FRAS1: variants seen among roughly 807,000 people sequenced by gnomAD.
FRAS1 encodes the protein extracellular matrix organizing protein FRAS1.
In FRAS1, 290 loss-of-function variants were observed where a neutral mutation model predicts 435.2. The observed-to-expected ratio is 0.67, with a 90% confidence interval of 0.61 to 0.73. The LOEUF (loss-of-function observed/expected upper bound fraction) is 0.73, where lower values mean the gene tolerates loss of function less well. Ranked by LOEUF, FRAS1 falls within the 30% of genes least tolerant of loss-of-function variation. FRAS1 has a pLI of 0.00. For synonymous variants in FRAS1, 1,800 were observed against 1,851.0 expected (o/e 0.97, Z 0.71); for missense variants, 4,860 against 5,001.5 (o/e 0.97, Z 0.85).
chr4:78,506,218 G>T (rs1720835607), intron 61 of FRAS1, among the ~76,000 whole-genome samples: 1 of 152,226 alleles, frequency 6.6e-6, no homozygotes. Context: ...GGACCCACTT[G>T]AGGAGGCAGT....
chr4:78,275,571 C>T (rs920659018), intron 9 of FRAS1, among the ~76,000 whole-genome samples: 15 of 152,038 alleles, frequency 9.9e-5, no homozygotes, highest in Admixed American at 8.5e-4. Context: ...CCTTAACTTA[C>T]GAAGCTTAGT....
At chr4:78,501,845 A>G (rs1056471539) in intron 61 of FRAS1, among the ~76,000 whole-genome samples, 5 of 152,184 alleles carry the variant, frequency 3.3e-5, no homozygotes, top group African/African-American at 1.2e-4. Context: ...TAGGGTTTCT[A>G]TAGTTTTAGG....
At chr4:78,332,809 T>G (rs1729999592) in intron 18 of FRAS1, among the ~76,000 whole-genome samples, 2 of 152,244 alleles carry the variant, frequency 1.3e-5, no homozygotes, top group South Asian at 4.1e-4. Flanking sequence ...CATCTGTGTA[T>G]GCCCAGTCTC....
chr4:78,440,525 A>T (rs1455005601), intron 40 of FRAS1, among the ~76,000 whole-genome samples: 1 of 152,198 alleles, frequency 6.6e-6, no homozygotes, highest in Admixed American at 6.5e-5. Context: ...AGCAGGCTAG[A>T]GAAAAACACC....
intron 20 of FRAS1, among the ~76,000 whole-genome samples, chr4:78,348,058 T>G (rs1730675976): frequency 2.1e-5 from 1 of 47,872 alleles, no homozygotes; most frequent in Non-Finnish European, 4.0e-5. Context: ...AGACGGGTGA[T>G]TTCTGCATTT....
chr4:78,249,850 T>G (rs969531655), intron 4 of FRAS1, among the ~76,000 whole-genome samples: 2 of 152,172 alleles, frequency 1.3e-5, no homozygotes, highest in African/African-American at 4.8e-5. Context: ...AAAGGTAGTG[T>G]GACTGCAATG....
At chr4:78,341,862 A>C (rs367340) in intron 20 of FRAS1, among the ~76,000 whole-genome samples, 26,831 of 151,880 alleles carry the variant, frequency 0.18, 3,218 homozygotes, top group African/African-American at 0.35. Context: ...AGGAGGTTAA[A>C]CGTATAAATT....
chr4:78,101,227 A>G (rs1332704646), intron 2 of FRAS1, among the ~76,000 whole-genome samples: 1 of 132,756 alleles, frequency 7.5e-6, no homozygotes, highest in Non-Finnish European at 1.5e-5. Context: ...AGGAAAGGCT[A>G]AAAAAAAAAT....
rs1253538069 is a variant in FRAS1 at position 78,293,510 on chromosome 4, A to AC, written c.1534+6975dup. Among the ~76,000 whole-genome samples, 9 of 151,918 alleles carry AC rather than the reference A, an allele frequency of 5.9e-5. No homozygotes were observed. The South Asian group carries it at 1.9e-3, about 32-fold the overall frequency. The stretch of plus-strand genomic sequence containing the variant: ...TAATTACAGACTCTCTATTTTTCTC[A>AC]CCCCTCTTTTTCTTCTCTTTTCCTC... On this transcript the variant is annotated intron_variant, in intron 14 of 73. Transcript: ENST00000512123.
intron 47 of FRAS1, among the ~76,000 whole-genome samples, chr4:78,462,777 CAT>C: frequency 6.6e-6 from 1 of 152,312 alleles, no homozygotes; most frequent in Non-Finnish European, 1.5e-5. Context: ...AGCACAGAAA[CAT>C]AAAATGCCTC....
Position 78,371,083 on chromosome 4 carries a change from G to GGTTTTTTTTTTTTTTTTTTTTTTTT in FRAS1, c.2869+1099_2869+1100insGTTTTTTTTTTTTTTTTTTTTTTTT, listed in dbSNP as rs1456015210. Among the ~76,000 whole-genome samples, 3 of 127,400 alleles carry GGTTTTTTTTTTTTTTTTTTTTTTTT rather than the reference G, an allele frequency of 2.4e-5. 1 individual carries two copies. The highest frequency in any genetic ancestry group is 9.5e-5 in the African/African-American group (3 of 31,434). The allele number at this position is 127,400 out of a possible 152,430, so 83.6% of individuals were successfully genotyped here. ...CTCGAGACCACAGAATTTTTTTTCT[G>GGTTTTTTTTTTTTTTTTTTTTTTTT]TTTTTTTGTTTTTTTTTTTTTTTGC... On this transcript the variant is annotated intron_variant, in intron 23 of 73. Transcript: ENST00000512123.
chr4:78,370,106 T>A, intron 23 of FRAS1, 122 bp downstream of exon 23: 1 of 847,070 alleles, frequency 1.2e-6, no homozygotes, highest in Non-Finnish European at 1.8e-6. Flanking sequence ...TCTCTGATGA[T>A]AGCAACAATT....
intron 28 of FRAS1, among the ~76,000 whole-genome samples, chr4:78,384,648 C>G (rs1054275854): frequency 1.4e-4 from 22 of 151,816 alleles, no homozygotes; most frequent in Admixed American, 1.3e-3. Context: ...AATCTCAGCA[C>G]TTTGGGAGGC....
intron 47 of FRAS1, among the ~76,000 whole-genome samples, chr4:78,455,497 T>C (rs895956436): frequency 1.3e-5 from 2 of 152,058 alleles, no homozygotes; most frequent in Non-Finnish European, 2.9e-5. Flanking sequence ...CACCAAGATA[T>C]TTATTTGGGG....
At chr4:78,217,216 T>C (rs1455245132) in intron 2 of FRAS1, among the ~76,000 whole-genome samples, 1 of 152,136 alleles carries the variant, frequency 6.6e-6, no homozygotes, top group Non-Finnish European at 1.5e-5. Context: ...CCTCCAAGGA[T>C]TGGATGATGC....
At chr4:78,514,952 C>T (rs562823216) in intron 65 of FRAS1, among the ~76,000 whole-genome samples, 295 of 151,746 alleles carry the variant, frequency 1.9e-3, no homozygotes, top group African/African-American at 7.0e-3. Context: ...CCTGTAATCC[C>T]AGCTACTCGG....
At chr4:78,456,677 A>G (rs1412776037) in intron 47 of FRAS1, among the ~76,000 whole-genome samples, 1 of 152,162 alleles carries the variant, frequency 6.6e-6, no homozygotes, top group Non-Finnish European at 1.5e-5. Flanking sequence ...ACTGATTCAG[A>G]TGGGGTTGAA....
At chr4:78,426,071 A>G (rs949270955) in intron 35 of FRAS1, among the ~76,000 whole-genome samples, 2 of 152,336 alleles carry the variant, frequency 1.3e-5, no homozygotes, top group East Asian at 1.9e-4. Flanking sequence ...GCTGGGTGAC[A>G]GAGTTAGACC....
chr4:78,303,635 C>T (rs1199947481), intron 14 of FRAS1, among the ~76,000 whole-genome samples: 1 of 152,090 alleles, frequency 6.6e-6, no homozygotes, highest in African/African-American at 2.4e-5. Flanking sequence ...TGGGAGTTCA[C>T]CCATTATTTG....
Sources: allele counts gnomAD v4.1 joint callset (sites outside exome capture counted in the v4.1 genomes callset), GRCh38; gene constraint gnomAD v4.1.1; transcripts MANE v1.5; gene names NCBI Gene and HGNC (gene_info 2026-07-23, HGNC 2026-07-21).